The following TET2 variants were observed in gnomAD, a reference collection of about 807,000 sequenced individuals.
TET2 encodes methylcytosine dioxygenase TET2.
TET2 carries 299 observed loss-of-function variants against 142.9 expected under a neutral mutation model. The observed-to-expected ratio is 2.09, with a 90% CI of 1.90 to 2.30. The LOEUF (loss-of-function observed/expected upper bound fraction) is 2.30, where lower values mean the gene tolerates loss of function less well. Ranked by LOEUF, TET2 falls within the 30% of genes most tolerant of loss-of-function variation. The pLI is 0.00. For missense variants in TET2, 2,418 were observed against 2,378.0 expected (o/e 1.02, Z -0.35); for synonymous variants, 819 against 849.0 (o/e 0.96, Z 0.61).
Position 105,234,977 on chromosome 4 carries a change from G to A in TET2, c.1035G>A (p.Lys345=), listed in dbSNP as rs1442788766. ...PAENNIQGTT[K]LASGEEFCSG... ...AAAATAACATCCAGGGAACCACAAA[G>A]CTAGCGTCTGGTGAAGAATTCTGTT... The change falls in exon 3 of 11, where the codon AAG becomes AAA. Residue 345 remains lysine (K), a synonymous_variant. Coordinates refer to ENST00000380013, the MANE Select transcript of TET2 (RefSeq NM_001127208.3). The A allele has an allele frequency of 1.2e-6, 2 of 1,613,866 alleles. No homozygotes were observed. Among genetic ancestry groups the A allele is most frequent in the African/African-American group, 2.7e-5 (2 of 74,924 alleles).
intron 8 of TET2, among the ~76,000 whole-genome samples, chr4:105,264,515 C>T (rs1377286994): frequency 6.6e-6 from 1 of 152,088 alleles, no homozygotes; most frequent in Non-Finnish European, 1.5e-5. Flanking sequence ...CCGTCTCATA[C>T]TTGAAACTAT....
chr4:105,242,379 A>G, intron 4 of TET2: 1 of 1,081,692 alleles, frequency 9.2e-7, no homozygotes, highest in Non-Finnish European at 1.1e-6. Flanking sequence ...ATGTGGCTGG[A>G]TACTAACTAT....
intron 1 of TET2, among the ~76,000 whole-genome samples, chr4:105,167,519 A>G (rs1724224260): frequency 6.6e-6 from 1 of 152,124 alleles, no homozygotes; most frequent in Non-Finnish European, 1.5e-5. Context: ...AAAAATATGT[A>G]TATAATAGTT....
At chr4:105,175,039 G>C (rs1318128436) in intron 1 of TET2, among the ~76,000 whole-genome samples, 1 of 152,122 alleles carries the variant, frequency 6.6e-6, no homozygotes, top group African/African-American at 2.4e-5. Context: ...TAGTCCATGG[G>C]TACAGTTTCA....
chr4:105,195,011 A>G (rs945820477), intron 2 of TET2, among the ~76,000 whole-genome samples: 6 of 152,114 alleles, frequency 3.9e-5, no homozygotes, highest in South Asian at 4.1e-4. Flanking sequence ...TGTGGCATTT[A>G]TCTGACAACC....
Position 105,276,844 on chromosome 4 carries a change from C to CCCCCT in TET2, c.*329_*330insTCCCC. 4.7e-6 allele frequency: 1 copy of CCCCCT among 213,090 alleles called. No individual in the cohort carries two copies. Among genetic ancestry groups the CCCCCT allele is most frequent in the South Asian group, 1.0e-4 (1 of 9,882 alleles). 13.2% of individuals were successfully genotyped at this position (213,090 alleles called of 1,614,324 possible). On this transcript the variant is annotated 3_prime_UTR_variant, in exon 11 of 11. Transcript: ENST00000380013. Reference sequence around the variant, plus strand: ...AGATGATATGTAAATGTGATCCCCCCCCCCCGCTTACAACTCTACACATCT... The same window carrying CCCCCT: ...AGATGATATGTAAATGTGATCCCCCCCCCCTCCCCCGCTTACAACTCTACACATCT...
At chr4:105,258,751 A>C (rs1300993077) in intron 6 of TET2, among the ~76,000 whole-genome samples, 1 of 152,168 alleles carries the variant, frequency 6.6e-6, no homozygotes, top group African/African-American at 2.4e-5. Flanking sequence ...TAATTTAAAA[A>C]TAATTTACAG....
At chr4:105,188,422 A>G (rs548340607) in intron 1 of TET2, among the ~76,000 whole-genome samples, 1 of 152,320 alleles carries the variant, frequency 6.6e-6, no homozygotes, top group Non-Finnish European at 1.5e-5. Context: ...TAGGAAGATG[A>G]AAAAGTTCTG....
At chr4:105,186,528 T>C (rs1725464063) in intron 1 of TET2, among the ~76,000 whole-genome samples, 1 of 144,176 alleles carries the variant, frequency 6.9e-6, no homozygotes, top group South Asian at 2.2e-4. Flanking sequence ...CAGGCTGGAG[T>C]GCAGTGGTGC....
chr4:105,236,005 A>AT lies in TET2; in HGVS notation c.2065dup (p.Ser689PhefsTer4), dbSNP rs775729326. The AT allele has an allele frequency of 6.2e-7, 1 of 1,614,186 alleles. No homozygotes were observed. The highest frequency in any genetic ancestry group is 8.5e-7 in the Non-Finnish European group (1 of 1,180,026). ...AGATTTCATTTTCAACAAAGAGCAG[A>AT]TTCCCAAACTGAAAAACTTATGTCC... On this transcript the variant is annotated frameshift_variant, in exon 3 of 11. Coordinates refer to ENST00000380013, the MANE Select transcript of TET2 (RefSeq NM_001127208.3). LOFTEE classifies it high-confidence loss of function.
At chr4:105,253,797 C>T (rs1729989466) in intron 6 of TET2, among the ~76,000 whole-genome samples, 1 of 151,984 alleles carries the variant, frequency 6.6e-6, no homozygotes, top group Non-Finnish European at 1.5e-5. Flanking sequence ...AATATGTTAG[C>T]TGTATGGTTT....
intron 2 of TET2, among the ~76,000 whole-genome samples, chr4:105,201,879 C>A (rs187010086): frequency 6.6e-6 from 1 of 151,432 alleles, no homozygotes; most frequent in African/African-American, 2.4e-5. Context: ...GTAGCTGAGA[C>A]CACAGGGGCA....
In TET2 at chr4:105,237,246, A is replaced by T; in HGVS notation, c.3304A>T (p.Asn1102Tyr). The T allele has an allele frequency of 6.2e-7, 1 of 1,614,136 alleles. No individual in the cohort carries two copies. The highest frequency in any genetic ancestry group is 8.5e-7 in the Non-Finnish European group (1 of 1,180,008). Reference protein sequence around the residue: ...PTKRTAASVLNNFIESPSKLL... With the variant: ...PTKRTAASVLYNFIESPSKLL... ...CAAAAGAACAGCTGCTTCTGTTCTC[A>T]ATAATTTTATAGAGTCACCTTCCAA... The change falls in exon 3 of 11, where the codon AAT (asparagine) becomes TAT (tyrosine). Residue 1102 changes from asparagine to tyrosine, a missense_variant. Physicochemically the swap from Asn to Tyr is moderately radical, Grantham distance 143. Coordinates refer to ENST00000380013, the MANE Select transcript of TET2 (RefSeq NM_001127208.3).
chr4:105,203,375 GA>G (rs1480202963), intron 2 of TET2, among the ~76,000 whole-genome samples: 1 of 151,970 alleles, frequency 6.6e-6, no homozygotes, highest in Non-Finnish European at 1.5e-5. Flanking sequence ...TATTTACTGG[GA>G]AAAAAAGTCA....
intron 2 of TET2, among the ~76,000 whole-genome samples, chr4:105,223,732 T>C (rs1429726791): frequency 2.6e-5 from 4 of 152,172 alleles, no homozygotes; most frequent in African/African-American, 7.2e-5. Flanking sequence ...TGTGGCCATA[T>C]ACATCATCTT....
At position 105,209,159 on chromosome 4, in the gene TET2, A is replaced by G. The variant is rs148952894; in HGVS notation, c.-47+18654A>G. Among the ~76,000 whole-genome samples the G allele has an allele frequency of 1.6e-3, 229 of 143,852 alleles. 1 individual carries two copies. Among genetic ancestry groups the G allele is most frequent in the African/African-American group, 5.5e-3 (219 of 40,040 alleles). 94.4% of individuals were successfully genotyped at this position (143,852 alleles called of 152,430 possible). ...CACTGGTATAAATGTCTGCGTGAAA[A>G]TTTTTTTATCCATTCACTTTTGGTG... On this transcript the variant is annotated intron_variant, in intron 2 of 10. Transcript: ENST00000380013.
intron 2 of TET2, among the ~76,000 whole-genome samples, chr4:105,205,507 T>TCC (rs5860794): frequency 2.6e-5 from 4 of 151,946 alleles, no homozygotes; most frequent in Non-Finnish European, 5.9e-5. Context: ...TTAGTTGAAG[T>TCC]CCCCCCCAAC....
chr4:105,235,550 A>C lies in TET2; in HGVS notation c.1608A>C (p.Lys536Asn). ...QDNCQQLMRN[K>N]EQEILKGRDK... is the part of the protein sequence containing the mutation. ...ACTGCCAGCAGTTGATGAGAAACAA[A>C]GAGCAAGAGATTCTGAAGGGTCGAG... The change falls in exon 3 of 11, where the codon AAA (lysine) becomes AAC (asparagine). Residue 536 changes from lysine to asparagine, a missense_variant. Physicochemically the swap from Lys to Asn is moderately conservative, Grantham distance 94. Transcript: ENST00000380013. 2.5e-6 allele frequency: 4 copies of C among 1,614,204 alleles called. No individual in the cohort carries two copies. The highest frequency in any genetic ancestry group is 3.4e-6 in the Non-Finnish European group (4 of 1,180,026).
chr4:105,278,189 T>TATAC lies in TET2; in HGVS notation c.*1673_*1674insCATA, dbSNP rs1553918874. 1.5e-3 allele frequency: 243 copies of TATAC among 157,100 alleles called. 3 individuals are homozygous for TATAC. The highest frequency in any genetic ancestry group is 6.1e-3 in the African/African-American group (234 of 38,230). 9.7% of individuals were successfully genotyped at this position (157,100 alleles called of 1,614,324 possible). A position where few individuals can be genotyped will look rare whatever the true frequency, so the allele number is the denominator to read the frequency against. ...ATATATACATATATATATATATATA[T>TATAC]ATATATATATATATGAGTTTGAAGC... On this transcript the variant is annotated 3_prime_UTR_variant, in exon 11 of 11. Transcript: ENST00000380013.
Sources: gnomAD v4.1 joint callset for allele counts (sites outside exome capture counted in the v4.1 genomes callset) on GRCh38, gnomAD v4.1.1 for gene constraint, MANE v1.5 for transcripts, NCBI Gene and HGNC (gene_info 2026-07-23, HGNC 2026-07-21) for gene names.